TRAPPC9: variants seen among roughly 807,000 people sequenced by gnomAD.
TRAPPC9 encodes the protein trafficking protein particle complex subunit 9, also known as IKK2 binding protein.
A neutral mutation model predicts 124.0 loss-of-function variants in TRAPPC9; 83 were observed. The observed-to-expected ratio is 0.67, with a 90% confidence interval of 0.56 to 0.80. The LOEUF (loss-of-function observed/expected upper bound fraction) is 0.80, where lower values mean the gene tolerates loss of function less well. Among genes scored for constraint, TRAPPC9 ranks in the 30% least tolerant of loss-of-function variants. The probability of loss-of-function intolerance (pLI) is 0.00; values close to 1 mark genes in which losing one functional copy is unlikely to be tolerated. For synonymous variants in TRAPPC9, 638 were observed against 617.5 expected (o/e 1.03, Z -0.49); for missense variants, 1,302 against 1,508.3 (o/e 0.86, Z 2.27).
chr8:140,096,770 T>C (rs1283114512), intron 17 of TRAPPC9: 2 of 151,772 alleles, frequency 1.3e-5, no homozygotes, highest in Non-Finnish European at 2.9e-5. Flanking sequence ...GTGGTTGGAA[T>C]TGAGAAAATG....
chr8:140,208,955 G>A (rs1451695944), intron 17 of TRAPPC9, among the ~76,000 whole-genome samples: 2 of 152,234 alleles, frequency 1.3e-5, no homozygotes, highest in African/African-American at 4.8e-5. Context: ...TAGAGTATGT[G>A]TGGATTTGGG....
In TRAPPC9 at chr8:140,182,281, T is replaced by C. The variant is rs1296264676; in HGVS notation, c.2556+39178A>G. 6.6e-6 allele frequency among the ~76,000 whole-genome samples: 1 copy of C among 152,110 alleles called. No homozygotes were observed. Among genetic ancestry groups the C allele is most frequent in the African/African-American group, 2.4e-5 (1 of 41,404 alleles). On this transcript the variant is annotated intron_variant, in intron 17 of 22. Coordinates refer to ENST00000438773, the MANE Select transcript of TRAPPC9 (RefSeq NM_001160372.4). This position sits in a 1 kb window ranked among gnomAD's most constrained non-coding sequence, Gnocchi z 4.0. ...CAGGCAAATGTTTCCGAAGCCTGCC[T>C]TTCCCTAAGACCTTGGTCTATTCAA...
intron 21 of TRAPPC9, among the ~76,000 whole-genome samples, chr8:139,882,598 C>T (rs532087937): frequency 9.8e-5 from 15 of 152,322 alleles, no homozygotes; most frequent in African/African-American, 3.4e-4. Context: ...TGCATCTGCG[C>T]AGGCCTGGTC....
At chr8:139,998,911 C>A (rs1170672655) in intron 18 of TRAPPC9, among the ~76,000 whole-genome samples, 2 of 152,086 alleles carry the variant, frequency 1.3e-5, no homozygotes, top group Non-Finnish European at 2.9e-5. Context: ...AATATTATTT[C>A]TAAGTCAACT....
At chr8:140,330,597 T>C (rs1308515843) in intron 9 of TRAPPC9, among the ~76,000 whole-genome samples, 2 of 152,200 alleles carry the variant, frequency 1.3e-5, no homozygotes, top group Admixed American at 6.5e-5. Flanking sequence ...TCTACCAAAA[T>C]GAAAGGTAAT....
intron 19 of TRAPPC9, among the ~76,000 whole-genome samples, chr8:139,972,274 A>T (rs1836151717): frequency 6.6e-6 from 1 of 152,214 alleles, no homozygotes. Context: ...AGCTTATAAA[A>T]TGCCCATGGC....
In TRAPPC9 at chr8:140,354,042, C is replaced by A. The variant is rs188737223; in HGVS notation, c.1495+6008G>T. The stretch of plus-strand genomic sequence containing the variant: ...GTGACAGTAATGGAAACGGCATGTA[C>A]GAAGGCAGCAGAATAGCAATGCTGT... On this transcript the variant is annotated intron_variant, in intron 9 of 22. Transcript: ENST00000438773. Among the ~76,000 whole-genome samples the A allele has an allele frequency of 1.7e-3, 258 of 152,244 alleles. 1 individual carries two copies. The highest frequency in any genetic ancestry group is 6.1e-3 in the African/African-American group (255 of 41,528).
At chr8:139,818,759 A>G (rs986576897) in intron 21 of TRAPPC9, among the ~76,000 whole-genome samples, 24 of 152,184 alleles carry the variant, frequency 1.6e-4, no homozygotes, top group Non-Finnish European at 1.2e-4. Context: ...AATTCCTGAC[A>G]ATGTGAGCTG....
intron 21 of TRAPPC9, among the ~76,000 whole-genome samples, chr8:139,746,999 A>C (rs1368977104): frequency 6.6e-6 from 1 of 152,262 alleles, no homozygotes; most frequent in Non-Finnish European, 1.5e-5. Flanking sequence ...GAAGAAAAAG[A>C]AACGGGGAAA....
At chr8:139,862,545 C>T (rs895903561) in intron 21 of TRAPPC9, among the ~76,000 whole-genome samples, 2 of 152,194 alleles carry the variant, frequency 1.3e-5, no homozygotes, top group African/African-American at 4.8e-5. Context: ...GGCGGGGACG[C>T]CTGTAAGGAT....
intron 16 of TRAPPC9, 104 bp from the exon 17 acceptor site, chr8:140,221,687 G>C (rs532713940): frequency 1.2e-4 from 172 of 1,442,294 alleles, no homozygotes; most frequent in Non-Finnish European, 1.6e-4. Flanking sequence ...GCACAAGCTG[G>C]AGTGCAGTGG....
At chr8:139,868,003 T>C (rs1302654914) in intron 21 of TRAPPC9, among the ~76,000 whole-genome samples, 2 of 152,206 alleles carry the variant, frequency 1.3e-5, no homozygotes, top group African/African-American at 4.8e-5. Context: ...AATGTCCTTG[T>C]TCGTAGGAAA....
chr8:140,197,419 G>A (rs1483087398), intron 17 of TRAPPC9, among the ~76,000 whole-genome samples: 1 of 152,188 alleles, frequency 6.6e-6, no homozygotes, highest in Non-Finnish European at 1.5e-5. Context: ...TGAGAGCCGT[G>A]AGGCCCAGAG....
chr8:139,861,746 C>T (rs1056142813), intron 21 of TRAPPC9, among the ~76,000 whole-genome samples: 4 of 152,078 alleles, frequency 2.6e-5, no homozygotes, highest in Admixed American at 2.6e-4. Flanking sequence ...TTTGAACAGA[C>T]CCCCTGAGTC....
intron 21 of TRAPPC9, among the ~76,000 whole-genome samples, chr8:139,778,830 G>C (rs145734581): frequency 6.6e-6 from 1 of 152,148 alleles, no homozygotes; most frequent in Non-Finnish European, 1.5e-5. Flanking sequence ...AAGGAGAAGA[G>C]AGTGGAGGGA....
chr8:139,979,182 T>TG (rs757081508), intron 19 of TRAPPC9, among the ~76,000 whole-genome samples: 2 of 152,168 alleles, frequency 1.3e-5, no homozygotes, highest in Non-Finnish European at 2.9e-5. Context: ...ACCTGAAGGT[T>TG]GACCACCACC....
chr8:140,117,675 T>G (rs2060913574), intron 17 of TRAPPC9, among the ~76,000 whole-genome samples: 1 of 152,138 alleles, frequency 6.6e-6, no homozygotes, highest in South Asian at 2.1e-4. Context: ...GAACAAACAT[T>G]CAAACCATAG....
At chr8:140,204,519 T>C (rs2062875110) in intron 17 of TRAPPC9, among the ~76,000 whole-genome samples, 1 of 151,734 alleles carries the variant, frequency 6.6e-6, no homozygotes, top group South Asian at 2.1e-4. Context: ...ATATACCTAA[T>C]GTAAATGACA....
intron 20 of TRAPPC9, among the ~76,000 whole-genome samples, chr8:139,891,355 A>C (rs1276112959): frequency 6.6e-6 from 1 of 152,272 alleles, no homozygotes. Flanking sequence ...GGAGAGGCCC[A>C]GGGACACCTG....
Sources: allele counts gnomAD v4.1 joint callset (sites outside exome capture counted in the v4.1 genomes callset), GRCh38; gene constraint gnomAD v4.1.1; non-coding constraint Gnocchi (gnomAD v3.1); transcripts MANE v1.5; gene names NCBI Gene and HGNC (gene_info 2026-07-23, HGNC 2026-07-21).